MYO5A: variants seen among roughly 807,000 people sequenced by gnomAD.
MYO5A encodes unconventional myosin-Va.
In MYO5A, 98 loss-of-function variants were observed where a neutral mutation model predicts 249.7. The observed-to-expected ratio is 0.39, with a 90% CI of 0.33 to 0.46. The LOEUF is 0.46. Among genes scored for constraint, MYO5A ranks in the 20% least tolerant of loss-of-function variants. MYO5A has a pLI of 0.98. For missense variants in MYO5A, 1,696 were observed against 2,308.8 expected, an observed-to-expected ratio of 0.73 and a Z score of 5.44; for synonymous variants, 778 against 810.6, an observed-to-expected ratio of 0.96 and a Z score of 0.68.
chr15:52,506,547 C>T (rs932597367), intron 1 of MYO5A, among the ~76,000 whole-genome samples: 2 of 147,098 alleles, frequency 1.4e-5, no homozygotes, highest in African/African-American at 2.5e-5. Flanking sequence ...AAAAAAAATT[C>T]AGTCCCTTGG....
At chr15:52,414,926 G>T (rs1430791185) in intron 5 of MYO5A, among the ~76,000 whole-genome samples, 5 of 152,094 alleles carry the variant, frequency 3.3e-5, no homozygotes, top group Non-Finnish European at 7.4e-5. Context: ...TCCTATTTCA[G>T]AAAGTATTCC....
chr15:52,318,880 T>C (rs2038161621), intron 39 of MYO5A, among the ~76,000 whole-genome samples, 180 bp downstream of exon 39: 1 of 152,218 alleles, frequency 6.6e-6, no homozygotes, highest in Non-Finnish European at 1.5e-5. Context: ...AATAATGAGA[T>C]GTGGTGAAAT....
At chr15:52,510,317 CT>C (rs1314544502) in intron 1 of MYO5A, among the ~76,000 whole-genome samples, 4 of 152,140 alleles carry the variant, frequency 2.6e-5, no homozygotes, top group Admixed American at 6.5e-5. Context: ...TTAATTTAGC[CT>C]CTACTCATTC....
intron 1 of MYO5A, among the ~76,000 whole-genome samples, chr15:52,455,569 C>A (rs1331881829): frequency 6.6e-6 from 1 of 151,964 alleles, no homozygotes; most frequent in East Asian, 1.9e-4. Context: ...AAAAAAAATA[C>A]TAGCCCAACT....
rs1369744310 is a variant in MYO5A at position 52,337,834 on chromosome 15, C to T, written c.4290G>A (p.Arg1430=). ...ADDPKKYQSY[R]ISLYKRMIDL... ...CAATCATCCGTTTGTAAAGGGAAAT[C>T]CGATATGATTGATACTTCTTAGGGT... The change falls in exon 33 of 42, where the codon CGG becomes CGA. Residue 1430 remains arginine, a synonymous_variant. Coordinates refer to ENST00000399233, the MANE Select transcript of MYO5A (RefSeq NM_001382347.1). The T allele has an allele frequency of 3.2e-6, 5 of 1,543,666 alleles. No homozygotes were observed. In the South Asian group the frequency reaches 6.0e-5, roughly 19 times the overall value.
chr15:52,471,534 C>T (rs1018880391), intron 1 of MYO5A, among the ~76,000 whole-genome samples: 1 of 150,172 alleles, frequency 6.7e-6, no homozygotes, highest in Non-Finnish European at 1.5e-5. Flanking sequence ...GTAGGAGGAT[C>T]GTTTGAGCCC....
At chr15:52,331,620 T>C in intron 34 of MYO5A, 1 of 962,222 alleles carries the variant, frequency 1.0e-6, no homozygotes. Context: ...GTGCTTCTTG[T>C]GTCACTCTGG....
chr15:52,358,139 G>A (rs901729905), intron 25 of MYO5A, among the ~76,000 whole-genome samples: 7 of 152,166 alleles, frequency 4.6e-5, no homozygotes, highest in East Asian at 1.9e-4. Context: ...CATGAAGATC[G>A]GCAAGCGTGG....
intron 1 of MYO5A, among the ~76,000 whole-genome samples, chr15:52,476,510 T>C (rs2076596965): frequency 6.6e-6 from 1 of 152,230 alleles, no homozygotes; most frequent in Non-Finnish European, 1.5e-5. Flanking sequence ...CAATTTGGCA[T>C]GTTTTTGCAG....
chr15:52,352,495 A>G (rs1287701673), intron 27 of MYO5A, among the ~76,000 whole-genome samples: 1 of 152,172 alleles, frequency 6.6e-6, no homozygotes. Context: ...TATTAAAACT[A>G]TTTAGGCTGG....
In MYO5A at chr15:52,379,616, C is replaced by T. The variant is rs1307149912; in HGVS notation, c.2208+9G>A. The T allele has an allele frequency of 1.9e-6, 3 of 1,611,236 alleles. No homozygotes were observed. Among genetic ancestry groups the T allele is most frequent in the African/African-American group, 2.7e-5 (2 of 74,994 alleles). ...CTGCTCAGATGACGGTAAGCGAAAT[C>T]ATTCTCACCAGTATCAGTTTCTCTA... On this transcript the variant is annotated intron_variant, in intron 18 of 41. Coordinates refer to ENST00000399233, the MANE Select transcript of MYO5A (RefSeq NM_001382347.1).
At chr15:52,444,231 T>A (rs1446214854) in intron 1 of MYO5A, among the ~76,000 whole-genome samples, 1 of 152,342 alleles carries the variant, frequency 6.6e-6, no homozygotes, top group South Asian at 2.1e-4. Context: ...AGATCTCACT[T>A]CTTAAGAACA....
chr15:52,415,361 C>T (rs1015711371), intron 5 of MYO5A, among the ~76,000 whole-genome samples: 5 of 152,168 alleles, frequency 3.3e-5, no homozygotes, highest in African/African-American at 1.2e-4. Context: ...TTCCAAAAAT[C>T]TTATTAATAG....
rs2037745573 is a variant in MYO5A at position 52,310,648 on chromosome 15, T to C, written c.*3048A>G. The C allele has an allele frequency of 6.6e-6, 1 of 152,160 alleles. No homozygotes were observed. The highest frequency in any genetic ancestry group is 1.5e-5 in the Non-Finnish European group (1 of 68,106). The allele number at this position is 152,160 out of a possible 1,614,324, so 9.4% of individuals were successfully genotyped here. ...ACTGACTCCATCCACCTGCCTTCAG[T>C]GCACAGTCAAACAGCAGGCAACGGG... On this transcript the variant is annotated 3_prime_UTR_variant, in exon 42 of 42. Coordinates refer to ENST00000399233, the MANE Select transcript of MYO5A (RefSeq NM_001382347.1).
At chr15:52,353,399 G>C (rs78798381) in intron 27 of MYO5A, among the ~76,000 whole-genome samples, 68 of 152,272 alleles carry the variant, frequency 4.5e-4, no homozygotes, top group African/African-American at 1.6e-3. Flanking sequence ...TACTTCTCCT[G>C]TTCCTGTTAA....
At chr15:52,426,175 A>G in intron 3 of MYO5A, among the ~76,000 whole-genome samples, 1 of 152,210 alleles carries the variant, frequency 6.6e-6, no homozygotes, top group East Asian at 1.9e-4. Context: ...TGCCTAAAAC[A>G]CCATTTAAAA....
chr15:52,376,553 CT>C lies in MYO5A; in HGVS notation c.2213del (p.Lys738ArgfsTer21). ...KNVLEKLILD[K>X]DKYQFGKTKI... ...TTGTCTTACCAAACTGGTATTTGTC[CT>C]TGTCCTATTTTTGGAAGAAATTGTA... On this transcript the variant is annotated frameshift_variant, in exon 19 of 42. Transcript: ENST00000399233. LOFTEE classifies it high-confidence loss of function. The C allele has an allele frequency of 1.2e-6, 2 of 1,613,868 alleles. No individual in the cohort carries two copies. The highest frequency in any genetic ancestry group is 1.7e-6 in the Non-Finnish European group (2 of 1,179,802).
intron 1 of MYO5A, among the ~76,000 whole-genome samples, chr15:52,473,310 A>G (rs2076517184): frequency 6.6e-6 from 1 of 152,128 alleles, no homozygotes; most frequent in African/African-American, 2.4e-5. Context: ...TGTCAGATGG[A>G]CAGGTTGCAA....
intron 1 of MYO5A, among the ~76,000 whole-genome samples, chr15:52,501,015 G>A (rs1258890509): frequency 1.3e-5 from 2 of 151,912 alleles, no homozygotes; most frequent in Non-Finnish European, 2.9e-5. Context: ...TGTCGCCCAG[G>A]CTGGAGTGCA....
Sources: gnomAD v4.1 joint callset for allele counts (sites outside exome capture counted in the v4.1 genomes callset) on GRCh38, gnomAD v4.1.1 for gene constraint, MANE v1.5 for transcripts, NCBI Gene and HGNC (gene_info 2026-07-23, HGNC 2026-07-21) for gene names.